NSF: variants seen among roughly 807,000 people sequenced by gnomAD.
NSF encodes N-ethylmaleimide sensitive factor, vesicle fusing ATPase.
Under a neutral mutation model 50.3 loss-of-function variants are expected in NSF, and 14 were observed. The ratio of observed to expected loss-of-function variants is 0.28; its 90% CI spans 0.18 to 0.44. The LOEUF is 0.44. NSF is among the 20% of genes least tolerant of loss of function. The probability of loss-of-function intolerance (pLI) is 1.00; values close to 1 mark genes in which losing one functional copy is unlikely to be tolerated. For synonymous variants in NSF, 109 were observed against 175.7 expected (o/e 0.62, Z 3.00); for missense variants, 218 against 504.3 (o/e 0.43, Z 5.44).
chr17:46,740,299 G>T (rs1055386731), intron 17 of NSF, among the ~76,000 whole-genome samples: 3 of 152,194 alleles, frequency 2.0e-5, no homozygotes, highest in Non-Finnish European at 4.4e-5. Flanking sequence ...TTAAATGAGG[G>T]CAGGGTATGG....
chr17:46,742,595 A>T (rs1387594180), intron 17 of NSF, among the ~76,000 whole-genome samples: 1 of 152,144 alleles, frequency 6.6e-6, no homozygotes, highest in African/African-American at 2.4e-5. Flanking sequence ...GCAGTTTTAA[A>T]TGGAGGTATG....
At chr17:46,731,172 T>G (rs964171626) in intron 17 of NSF, among the ~76,000 whole-genome samples, 4 of 152,078 alleles carry the variant, frequency 2.6e-5, no homozygotes, top group African/African-American at 9.7e-5. Flanking sequence ...AAAAAAGTAG[T>G]ACCATTACAT....
rs1411952704 is a variant in NSF, at chr17:46,719,580, A to G, written c.1761+5594A>G. Reference sequence around the variant, plus strand: ...CCTCACGTTCTGGGGGGTATACCATATGTTCCATTAAGATGTTTGAAGTAT... The same window carrying G: ...CCTCACGTTCTGGGGGGTATACCATGTGTTCCATTAAGATGTTTGAAGTAT... On this transcript the variant is annotated intron_variant, in intron 15 of 20. Coordinates refer to ENST00000398238, the MANE Select transcript of NSF (RefSeq NM_006178.4). The surrounding 1 kb of genome is among the most constrained non-coding windows in gnomAD (Gnocchi z 4.3). Among the ~76,000 whole-genome samples, 1 of 152,174 alleles carries G rather than the reference A, an allele frequency of 6.6e-6. No individual in the cohort carries two copies.
At chr17:46,753,095 G>A (rs924996015) in intron 19 of NSF, among the ~76,000 whole-genome samples, 3 of 152,174 alleles carry the variant, frequency 2.0e-5, no homozygotes, top group African/African-American at 7.2e-5. Flanking sequence ...ATGAATAACT[G>A]TAAATTCATT....
chr17:46,751,343 G>A (rs138951997), intron 18 of NSF, among the ~76,000 whole-genome samples, 160 bp from the exon 19 acceptor site: 77 of 152,296 alleles, frequency 5.1e-4, no homozygotes, highest in Non-Finnish European at 5.9e-5. Flanking sequence ...AATGGGTTTA[G>A]GATGGTGAAG....
intron 15 of NSF, among the ~76,000 whole-genome samples, chr17:46,716,111 C>T (rs545241428): frequency 1.3e-5 from 2 of 152,258 alleles, no homozygotes; most frequent in Admixed American, 6.5e-5. Context: ...ATAGTTTTCA[C>T]ATTGTTACCT....
intron 11 of NSF, among the ~76,000 whole-genome samples, chr17:46,694,136 G>C (rs1418278642): frequency 7.5e-6 from 1 of 133,434 alleles, no homozygotes; most frequent in Non-Finnish European, 1.5e-5. Flanking sequence ...TGTAATCCCA[G>C]CACTTTGGGA....
chr17:46,710,868 A>G (rs1331764049), intron 13 of NSF, 95 bp from the exon 14 acceptor site: 2 of 1,073,012 alleles, frequency 1.9e-6, no homozygotes. Context: ...GATAGTGATC[A>G]ATACCTTTAG....
At chr17:46,732,115 T>C (rs2058954795) in intron 17 of NSF, among the ~76,000 whole-genome samples, 1 of 152,198 alleles carries the variant, frequency 6.6e-6, no homozygotes, top group African/African-American at 2.4e-5. Flanking sequence ...AGAAAAATAT[T>C]TATTACTGGT....
intron 13 of NSF, among the ~76,000 whole-genome samples, chr17:46,708,818 ATATATT>A (rs1354062943): frequency 9.5e-6 from 1 of 104,816 alleles, no homozygotes; most frequent in Non-Finnish European, 1.8e-5. Context: ...ATATATATAT[ATATATT>A]TTTTTTTTTT....
chr17:46,626,041 C>T (rs1287729971), intron 2 of NSF, among the ~76,000 whole-genome samples: 1 of 147,110 alleles, frequency 6.8e-6, no homozygotes, highest in Non-Finnish European at 1.5e-5. Context: ...GGAATTAGCA[C>T]AAAATTTTTT....
In NSF at chr17:46,748,590, T is replaced by C. The variant is rs2059153850; in HGVS notation, c.1909-1183T>C. 1.3e-5 allele frequency among the ~76,000 whole-genome samples: 2 copies of C among 152,172 alleles called. 1 individual carries two copies. The highest frequency in any genetic ancestry group is 4.1e-4 in the South Asian group (2 of 4,826). On this transcript the variant is annotated intron_variant, in intron 17 of 20. Coordinates refer to ENST00000398238, the MANE Select transcript of NSF (RefSeq NM_006178.4). Reference sequence around the variant, plus strand: ...GGGAATAGATGAGGAAAAGGAAGGCTGGGATACAGGGAATCTAACAGAAGA... The same window carrying C: ...GGGAATAGATGAGGAAAAGGAAGGCCGGGATACAGGGAATCTAACAGAAGA...
At chr17:46,709,493 ATT>A (rs934842907) in intron 13 of NSF, among the ~76,000 whole-genome samples, 3 of 143,622 alleles carry the variant, frequency 2.1e-5, no homozygotes, top group Admixed American at 7.0e-5. Flanking sequence ...CCAGCCTATA[ATT>A]TTTTTTTTTT....
At chr17:46,722,739 TG>T (rs1355887959) in intron 15 of NSF, among the ~76,000 whole-genome samples, 3 of 152,036 alleles carry the variant, frequency 2.0e-5, no homozygotes, top group Non-Finnish European at 4.4e-5. Flanking sequence ...AGGAAGAAAA[TG>T]TACGTGTGAG....
intron 4 of NSF, among the ~76,000 whole-genome samples, chr17:46,635,856 CTCTT>C (rs1190527564): frequency 3.9e-5 from 5 of 127,922 alleles, no homozygotes; most frequent in Admixed American, 1.6e-4. Context: ...TAGCAATAGA[CTCTT>C]TCTTACTAGG....
rs1269996876 is a variant in NSF at position 46,640,339 on chromosome 17, ATG to A, written c.513+180_513+181del. Among the ~76,000 whole-genome samples the A allele has an allele frequency of 1.7e-5, 2 of 118,842 alleles. 1 individual carries two copies. The highest frequency in any genetic ancestry group is 3.4e-5 in the Non-Finnish European group (2 of 58,978). The allele number at this position is 118,842 out of a possible 152,430, so 78.0% of individuals were successfully genotyped here. ...CATTGTTATTAAAATATAGCTTAAA[ATG>A]TATTTATTTGCAGACCTAATATTAA... On this transcript the variant is annotated intron_variant, in intron 6 of 20. Transcript: ENST00000398238.
chr17:46,739,286 G>A (rs564387199), intron 17 of NSF, among the ~76,000 whole-genome samples: 113 of 145,144 alleles, frequency 7.8e-4, no homozygotes, highest in Admixed American at 1.7e-3. Context: ...CAGGAGAATC[G>A]CTTGAACCCA....
intron 13 of NSF, among the ~76,000 whole-genome samples, chr17:46,709,721 CAT>C (rs2058699596): frequency 6.6e-6 from 1 of 152,046 alleles, no homozygotes; most frequent in Non-Finnish European, 1.5e-5. Context: ...TCTGGAACTC[CAT>C]ACCTCAGGTG....
intron 17 of NSF, among the ~76,000 whole-genome samples, chr17:46,749,005 AG>A (rs780955503): frequency 1.3e-5 from 2 of 152,202 alleles, no homozygotes; most frequent in Admixed American, 6.5e-5. Flanking sequence ...TGGTGGGGGA[AG>A]GGGGGTAGTG....
Sources: allele counts gnomAD v4.1 joint callset (sites outside exome capture counted in the v4.1 genomes callset), GRCh38; gene constraint gnomAD v4.1.1; non-coding constraint Gnocchi (gnomAD v3.1); transcripts MANE v1.5; gene names NCBI Gene and HGNC (gene_info 2026-07-23, HGNC 2026-07-21).